TTBK2: variants seen among roughly 807,000 people sequenced by gnomAD.
TTBK2 encodes the protein tau-tubulin kinase 2.
A neutral mutation model predicts 110.8 loss-of-function variants in TTBK2; 28 were observed. The observed-to-expected ratio is 0.25, with a 90% confidence interval of 0.19 to 0.35. The LOEUF (loss-of-function observed/expected upper bound fraction) is 0.35, where lower values mean the gene tolerates loss of function less well. TTBK2 is among the 10% of genes least tolerant of loss of function. The probability of loss-of-function intolerance (pLI) is 1.00; values close to 1 mark genes in which losing one functional copy is unlikely to be tolerated. For missense variants in TTBK2, 1,369 were observed against 1,500.3 expected (o/e 0.91, Z 1.45); for synonymous variants, 532 against 527.3 (o/e 1.01, Z -0.12).
intron 3 of TTBK2, among the ~76,000 whole-genome samples, chr15:42,850,760 G>C (rs763384990): frequency 1.3e-5 from 2 of 152,078 alleles, no homozygotes; most frequent in Non-Finnish European, 2.9e-5. Context: ...GTGAAAAAAA[G>C]TGAAGTTCTT....
chr15:42,785,713 G>A (rs1420583767), intron 10 of TTBK2, among the ~76,000 whole-genome samples: 2 of 151,174 alleles, frequency 1.3e-5, no homozygotes, highest in Non-Finnish European at 2.9e-5. Context: ...AAAGGCTCCT[G>A]CCAGTTCTGT....
chr15:42,897,371 G>C (rs746610143), intron 1 of TTBK2, among the ~76,000 whole-genome samples: 13 of 152,046 alleles, frequency 8.6e-5, no homozygotes, highest in Non-Finnish European at 1.3e-4. Flanking sequence ...ATTTGAATGA[G>C]TGAACACTTT....
chr15:42,876,855 C>T (rs1894836860), intron 2 of TTBK2, among the ~76,000 whole-genome samples: 1 of 152,074 alleles, frequency 6.6e-6, no homozygotes, highest in Non-Finnish European at 1.5e-5. Context: ...ACTCAGAAGA[C>T]AATGTGAAGT....
intron 1 of TTBK2, among the ~76,000 whole-genome samples, chr15:42,901,294 G>A (rs757251273): frequency 3.3e-5 from 5 of 151,856 alleles, no homozygotes; most frequent in African/African-American, 9.7e-5. Flanking sequence ...CCTGGGAGGC[G>A]GAGGTTGCAG....
At chr15:42,772,211 T>C (rs979513435) in intron 13 of TTBK2, among the ~76,000 whole-genome samples, 12 of 147,812 alleles carry the variant, frequency 8.1e-5, no homozygotes, top group Admixed American at 6.7e-4. Flanking sequence ...TCGGTGGGAA[T>C]GCATTCTCTT....
In TTBK2 at chr15:42,744,163, C is replaced by T. The variant is rs920075526; in HGVS notation, c.*1632G>A. ...TTGAAACTGGAGAGAAATTAAGATT[C>T]CACACTATGCTACATTTCTTATAAG... On this transcript the variant is annotated 3_prime_UTR_variant, in exon 15 of 15. Coordinates refer to ENST00000267890, the MANE Select transcript of TTBK2 (RefSeq NM_173500.4). 2.6e-5 allele frequency: 4 copies of T among 152,098 alleles called. No individual in the cohort carries two copies. Among genetic ancestry groups the T allele is most frequent in the Non-Finnish European group, 5.9e-5 (4 of 67,992 alleles). The allele number at this position is 152,098 out of a possible 1,614,324, so 9.4% of individuals were successfully genotyped here.
intron 3 of TTBK2, among the ~76,000 whole-genome samples, chr15:42,860,648 T>C (rs1488635549): frequency 6.8e-6 from 1 of 147,732 alleles, no homozygotes; most frequent in East Asian, 2.0e-4. Context: ...TTCTTTTTTT[T>C]TTTTTTTTTT....
intron 4 of TTBK2, among the ~76,000 whole-genome samples, chr15:42,838,208 AAAAAT>A (rs147460434): frequency 2.0e-5 from 3 of 151,136 alleles, no homozygotes; most frequent in Non-Finnish European, 4.4e-5. Context: ...CTCTGTCTCA[AAAAAT>A]AAAATAAAAT....
intron 11 of TTBK2, among the ~76,000 whole-genome samples, chr15:42,781,838 G>C (rs1341373476): frequency 6.6e-6 from 1 of 152,020 alleles, no homozygotes; most frequent in Non-Finnish European, 1.5e-5. Context: ...TACCTCAGTG[G>C]GGATAGGGTA....
intron 2 of TTBK2, among the ~76,000 whole-genome samples, chr15:42,875,422 A>C (rs1894779907): frequency 6.6e-6 from 1 of 152,270 alleles, no homozygotes; most frequent in African/African-American, 2.4e-5. Flanking sequence ...CAATGTGAAG[A>C]AAACCTTTCA....
chr15:42,858,904 G>C (rs1595991941), intron 3 of TTBK2, among the ~76,000 whole-genome samples: 1 of 152,080 alleles, frequency 6.6e-6, no homozygotes, highest in African/African-American at 2.4e-5. Context: ...TTATCTCCAG[G>C]AGTTCAACTA....
At chr15:42,798,107 C>A in intron 9 of TTBK2, 2 of 406,168 alleles carry the variant, frequency 4.9e-6, no homozygotes, top group Non-Finnish European at 9.8e-6. Flanking sequence ...TGGTCTGAAA[C>A]TCCTGACCTC....
intron 11 of TTBK2, among the ~76,000 whole-genome samples, chr15:42,777,905 T>C (rs1457427656): frequency 6.6e-6 from 1 of 152,210 alleles, no homozygotes; most frequent in East Asian, 1.9e-4. Flanking sequence ...CTGGCTCAAA[T>C]TGGTGATATA....
intron 7 of TTBK2, among the ~76,000 whole-genome samples, chr15:42,816,071 A>AAAATAAATAAAT (rs1288207934): frequency 1.2e-5 from 1 of 86,084 alleles, no homozygotes; most frequent in African/African-American, 6.8e-5. Context: ...TATATATATA[A>AAAATAAATAAAT]AAATAAATAA....
At chr15:42,867,245 CAAAAAAA>C (rs199562887) in intron 3 of TTBK2, among the ~76,000 whole-genome samples, 2 of 63,592 alleles carry the variant, frequency 3.1e-5, no homozygotes, top group East Asian at 8.0e-4. Context: ...GACTCCGTCT[CAAAAAAA>C]AAAAAAAAGA....
chr15:42,888,313 T>A (rs887570161), intron 1 of TTBK2, among the ~76,000 whole-genome samples: 1 of 152,130 alleles, frequency 6.6e-6, no homozygotes, highest in Non-Finnish European at 1.5e-5. Context: ...CCATTATTCC[T>A]GGCCCGGACT....
intron 13 of TTBK2, among the ~76,000 whole-genome samples, chr15:42,755,061 C>A (rs949240800): frequency 2.7e-5 from 4 of 147,378 alleles, no homozygotes; most frequent in African/African-American, 1.0e-4. Flanking sequence ...TGAAAATCTA[C>A]CCCCCTTCCA....
At chr15:42,747,896 CTT>C (rs2061817363) in intron 14 of TTBK2, among the ~76,000 whole-genome samples, 1 of 151,956 alleles carries the variant, frequency 6.6e-6, no homozygotes, top group South Asian at 2.1e-4. Flanking sequence ...TGGAAAAAAA[CTT>C]CACATCATAT....
intron 3 of TTBK2, among the ~76,000 whole-genome samples, chr15:42,869,955 CAGTCTGA>C (rs1894548153): frequency 6.6e-6 from 1 of 152,018 alleles, no homozygotes; most frequent in Non-Finnish European, 1.5e-5. Flanking sequence ...GACAGGAGGA[CAGTCTGA>C]AGTCTGGAGT....
Sources: gnomAD v4.1 joint callset for allele counts (sites outside exome capture counted in the v4.1 genomes callset) on GRCh38, gnomAD v4.1.1 for gene constraint, MANE v1.5 for transcripts, NCBI Gene and HGNC (gene_info 2026-07-23, HGNC 2026-07-21) for gene names.